The following TMEM131 variants were observed in gnomAD, a reference collection of about 807,000 sequenced individuals.
TMEM131 encodes 2610524E03Rik.
Under a neutral mutation model 211.6 loss-of-function variants are expected in TMEM131, and 66 were observed. That is an observed-to-expected ratio of 0.31 (90% confidence interval 0.26 to 0.38). TMEM131 has a LOEUF of 0.38. TMEM131 is among the 10% of genes least tolerant of loss of function. The pLI is 1.00. For missense variants in TMEM131, 2,036 were observed against 2,299.3 expected (o/e 0.89, Z 2.34); for synonymous variants, 844 against 841.3 (o/e 1.00, Z -0.06).
At chr2:97,876,812 C>A (rs1674714438) in intron 4 of TMEM131, among the ~76,000 whole-genome samples, 1 of 152,214 alleles carries the variant, frequency 6.6e-6, no homozygotes, top group African/African-American at 2.4e-5. Flanking sequence ...TGCCCTGTCT[C>A]ATCACCCCTA....
intron 31 of TMEM131, among the ~76,000 whole-genome samples, chr2:97,777,384 T>A (rs1469124048): frequency 6.6e-6 from 1 of 152,256 alleles, no homozygotes; most frequent in African/African-American, 2.4e-5. Context: ...AACCTCAGTG[T>A]TTAAAACGGG....
rs780632310 is a variant in TMEM131, at chr2:97,913,772, C to T, written c.250-5074G>A. On this transcript the variant is annotated intron_variant, in intron 2 of 40. Coordinates refer to ENST00000186436, the MANE Select transcript of TMEM131 (RefSeq NM_015348.2). Reference sequence around the variant, plus strand: ...TTAGAAATAAGACAAGGTCTGCACACCCTAGAATTTAAGCTTCTTGATGGT... The same window carrying T: ...TTAGAAATAAGACAAGGTCTGCACATCCTAGAATTTAAGCTTCTTGATGGT... 4.9e-4 allele frequency among the ~76,000 whole-genome samples: 74 copies of T among 152,302 alleles called. No individual in the cohort carries two copies. In the Middle Eastern group the frequency reaches 0.024, roughly 49 times the overall value.
intron 2 of TMEM131, among the ~76,000 whole-genome samples, chr2:97,909,645 AAT>A (rs1238614914): frequency 1.3e-5 from 2 of 152,320 alleles, no homozygotes; most frequent in East Asian, 1.9e-4. Context: ...TTTTCCCAAT[AAT>A]ATATATTATT....
At chr2:97,782,334 A>G (rs1048616791) in intron 31 of TMEM131, among the ~76,000 whole-genome samples, 1 of 152,260 alleles carries the variant, frequency 6.6e-6, no homozygotes, top group Non-Finnish European at 1.5e-5. Flanking sequence ...AAAAGGTGGC[A>G]CAACCCCTTC....
At chr2:97,839,312 AAACCAACCAACCAACCAACCAACCAACC>A (rs56114114) in intron 7 of TMEM131, among the ~76,000 whole-genome samples, 1 of 148,448 alleles carries the variant, frequency 6.7e-6, no homozygotes, top group South Asian at 2.2e-4. Flanking sequence ...GGTGTCTGGA[AAACCAACCAACCAACCAACCAACCAACC>A]AACCAACCAA....
At chr2:97,934,125 C>CA (rs1364015181) in intron 1 of TMEM131, among the ~76,000 whole-genome samples, 7 of 151,868 alleles carry the variant, frequency 4.6e-5, no homozygotes, top group Admixed American at 3.3e-4. Context: ...CCCAAGGACT[C>CA]AAAAAGAAAA....
chr2:97,862,532 G>A (rs754378797), intron 4 of TMEM131, among the ~76,000 whole-genome samples: 5 of 151,960 alleles, frequency 3.3e-5, no homozygotes, highest in Admixed American at 6.6e-5. Context: ...TAATACAGAC[G>A]CTGAAATAAT....
intron 1 of TMEM131, among the ~76,000 whole-genome samples, chr2:97,955,988 A>T (rs1678549718): frequency 6.6e-6 from 1 of 152,252 alleles, no homozygotes; most frequent in Non-Finnish European, 1.5e-5. Context: ...GCTTATTCTA[A>T]AATTTGCATG....
chr2:97,850,708 C>A lies in TMEM131; in HGVS notation c.484-6447G>T, dbSNP rs908262741. Among the ~76,000 whole-genome samples the A allele has an allele frequency of 3.3e-5, 5 of 151,826 alleles. No individual in the cohort carries two copies. The East Asian group carries it at 9.6e-4, about 29-fold the overall frequency. Reference sequence around the variant, plus strand: ...AGTACAATAAATGCTGTGTATCCACCTAAAAAAAATCTAAAATGTTCTCTA... The same window carrying A: ...AGTACAATAAATGCTGTGTATCCACATAAAAAAAATCTAAAATGTTCTCTA... On this transcript the variant is annotated intron_variant, in intron 5 of 40. Transcript: ENST00000186436.
intron 38 of TMEM131, chr2:97,760,226 C>T (rs1318704538): frequency 3.4e-6 from 1 of 293,166 alleles, no homozygotes; most frequent in Non-Finnish European, 6.5e-6. Context: ...TATAAATTGG[C>T]TAGTATTTGC....
At chr2:97,815,898 G>T (rs1360481301) in intron 12 of TMEM131, among the ~76,000 whole-genome samples, 3 of 152,058 alleles carry the variant, frequency 2.0e-5, no homozygotes, top group Non-Finnish European at 4.4e-5. Context: ...AAAGTAGCAT[G>T]GTATAAGAAA....
chr2:97,854,606 T>C (rs1293672842), intron 5 of TMEM131, among the ~76,000 whole-genome samples: 2 of 152,210 alleles, frequency 1.3e-5, no homozygotes, highest in Non-Finnish European at 2.9e-5. Flanking sequence ...CATTCCTCTG[T>C]TCAAAACCCT....
At chr2:97,974,292 G>A (rs906482164) in intron 1 of TMEM131, among the ~76,000 whole-genome samples, 3 of 152,020 alleles carry the variant, frequency 2.0e-5, no homozygotes, top group Admixed American at 2.0e-4. Context: ...CATCCAAAAT[G>A]GAACACGCAG....
chr2:97,984,238 G>A (rs1169355551), intron 1 of TMEM131, among the ~76,000 whole-genome samples: 1 of 152,082 alleles, frequency 6.6e-6, no homozygotes, highest in Non-Finnish European at 1.5e-5. Flanking sequence ...GCTTGTGCTA[G>A]TCATTCCTCA....
At chr2:97,809,301 C>T (rs1389879857) in intron 19 of TMEM131, among the ~76,000 whole-genome samples, 1 of 152,218 alleles carries the variant, frequency 6.6e-6, no homozygotes, top group Non-Finnish European at 1.5e-5. Context: ...CTCTGCATCC[C>T]TGTTGAGCTT....
chr2:97,921,942 C>T (rs796290564), intron 2 of TMEM131, among the ~76,000 whole-genome samples: 1 of 152,182 alleles, frequency 6.6e-6, no homozygotes, highest in African/African-American at 2.4e-5. Flanking sequence ...GACAGGTTTG[C>T]AAACTAAAAC....
intron 2 of TMEM131, among the ~76,000 whole-genome samples, chr2:97,918,579 A>T (rs910259253): frequency 1.3e-5 from 2 of 152,196 alleles, no homozygotes; most frequent in African/African-American, 2.4e-5. Flanking sequence ...CCCACAGACA[A>T]ATGAGCCAAT....
chr2:97,842,119 T>C (rs1006116541), intron 6 of TMEM131, among the ~76,000 whole-genome samples, 182 bp from the exon 7 acceptor site: 1 of 152,372 alleles, frequency 6.6e-6, no homozygotes, highest in East Asian at 1.9e-4. Context: ...ACATATTTGA[T>C]TGACTATGTA....
chr2:97,835,501 T>C (rs973996627), intron 8 of TMEM131, among the ~76,000 whole-genome samples: 2 of 152,220 alleles, frequency 1.3e-5, no homozygotes, highest in African/African-American at 2.4e-5. Context: ...AACATTTATA[T>C]ACTAAAAGGA....
Sources: gnomAD v4.1 joint callset for allele counts (sites outside exome capture counted in the v4.1 genomes callset) on GRCh38, gnomAD v4.1.1 for gene constraint, MANE v1.5 for transcripts, NCBI Gene and HGNC (gene_info 2026-07-23, HGNC 2026-07-21) for gene names.